TMEM131L: variants seen among roughly 807,000 people sequenced by gnomAD.
TMEM131L encodes the protein transmembrane protein 131-like.
In TMEM131L, 54 loss-of-function variants were observed where a neutral mutation model predicts 192.2. The observed-to-expected ratio is 0.28, with a 90% confidence interval of 0.23 to 0.35. TMEM131L has a LOEUF of 0.35. TMEM131L is among the 10% of genes least tolerant of loss of function. TMEM131L has a pLI of 1.00. For missense variants in TMEM131L, 1,888 were observed against 1,972.9 expected (o/e 0.96, Z 0.82); for synonymous variants, 701 against 704.9 (o/e 0.99, Z 0.09).
chr4:153,565,549 C>T (rs1158541645), intron 7 of TMEM131L, among the ~76,000 whole-genome samples: 2 of 152,182 alleles, frequency 1.3e-5, no homozygotes, highest in African/African-American at 4.8e-5. Context: ...TTGGCAGTGC[C>T]AGCTCAGTAT....
chr4:153,526,602 G>A (rs1735507076), intron 3 of TMEM131L, among the ~76,000 whole-genome samples: 1 of 152,110 alleles, frequency 6.6e-6, no homozygotes, highest in Admixed American at 6.5e-5. Context: ...GCCGGGCGTG[G>A]TGGCGGGCAC....
At chr4:153,483,972 G>A (rs1732129419) in intron 3 of TMEM131L, among the ~76,000 whole-genome samples, 1 of 152,002 alleles carries the variant, frequency 6.6e-6, no homozygotes, top group African/African-American at 2.4e-5. Context: ...ATTCTGTGAG[G>A]GTGTTCTGGA....
chr4:153,538,425 C>G (rs1475665576), intron 3 of TMEM131L, among the ~76,000 whole-genome samples: 1 of 152,160 alleles, frequency 6.6e-6, no homozygotes, highest in Non-Finnish European at 1.5e-5. Flanking sequence ...CCCTAGGCCC[C>G]CACCAGAACC....
chr4:153,534,635 A>G (rs944134592), intron 3 of TMEM131L, among the ~76,000 whole-genome samples: 1 of 151,968 alleles, frequency 6.6e-6, no homozygotes. Context: ...GGATTTCACC[A>G]TGTTAGCCAG....
chr4:153,550,561 C>A (rs540991174), intron 4 of TMEM131L, among the ~76,000 whole-genome samples: 1 of 152,086 alleles, frequency 6.6e-6, no homozygotes, highest in Non-Finnish European at 1.5e-5. Flanking sequence ...CTCCTGACTT[C>A]GTGATCCGCC....
At chr4:153,633,635 G>T (rs1408768229) in intron 32 of TMEM131L, among the ~76,000 whole-genome samples, 2 of 152,110 alleles carry the variant, frequency 1.3e-5, no homozygotes, top group Admixed American at 6.6e-5. Flanking sequence ...TTCTATTAGG[G>T]AGTCTTAAGA....
In TMEM131L at chr4:153,634,273, T is replaced by C; in HGVS notation, c.4410T>C (p.Phe1470=). Residue 1470 remains phenylalanine, a synonymous_variant, in exon 33 of 35, where the codon TTT becomes TTC. Coordinates refer to ENST00000409959, the MANE Select transcript of TMEM131L (RefSeq NM_001131007.2). The part of the protein sequence containing the change: ...CPLELNDYNA[F]PEENMNYANG... ...TGGAATTGAACGATTACAATGCCTT[T>C]CCAGAAGGTAAGGGCTCTTCAGACA... 1 of 1,612,606 alleles carries C rather than the reference T, an allele frequency of 6.2e-7. No homozygotes were observed. The highest frequency in any genetic ancestry group is 8.5e-7 in the Non-Finnish European group (1 of 1,178,764).
In TMEM131L at chr4:153,624,934, G is replaced by A. The variant is rs555399670; in HGVS notation, c.4046-1213G>A. On this transcript the variant is annotated intron_variant, in intron 29 of 34. Coordinates refer to ENST00000409959, the MANE Select transcript of TMEM131L (RefSeq NM_001131007.2). The stretch of plus-strand genomic sequence containing the variant: ...ATGAAAACCTAGAGGAAGTGCCCAC[G>A]TGTACGCGATTCCACTCAGCAGTTC... 7.2e-5 allele frequency among the ~76,000 whole-genome samples: 11 copies of A among 152,338 alleles called. No individual in the cohort carries two copies. In the South Asian group the frequency reaches 1.9e-3, roughly 26 times the overall value.
chr4:153,607,465 C>T (rs11099890), intron 25 of TMEM131L, among the ~76,000 whole-genome samples: 82,976 of 151,986 alleles, frequency 0.55, 22,838 homozygotes, highest in Non-Finnish European at 0.57. Context: ...GTGCCAGTCA[C>T]GTTGTCTCCT....
chr4:153,590,054 CTA>C (rs1344901228), intron 16 of TMEM131L, among the ~76,000 whole-genome samples: 1 of 152,172 alleles, frequency 6.6e-6, no homozygotes, highest in Non-Finnish European at 1.5e-5. Flanking sequence ...AATATACAGT[CTA>C]TGTTAAAATT....
chr4:153,541,578 C>G (rs548617200), intron 3 of TMEM131L, among the ~76,000 whole-genome samples: 4 of 152,266 alleles, frequency 2.6e-5, no homozygotes, highest in Admixed American at 2.6e-4. Flanking sequence ...GGGCCATCCA[C>G]GGGATGAGGC....
chr4:153,570,677 A>G (rs567027420), intron 7 of TMEM131L, among the ~76,000 whole-genome samples: 3 of 152,300 alleles, frequency 2.0e-5, no homozygotes, highest in African/African-American at 7.2e-5. Context: ...AAGCTGTGTT[A>G]GGAGCAGAGC....
rs10213086 is a variant in TMEM131L at position 153,595,411 on chromosome 4, G to A, written c.1996-847G>A. ...TATTCATATTACCTGCGTAAAGCAGGGTTTCTTCCTTCATGGAGTTTATAA... is the reference window on the plus strand; with the variant it reads ...TATTCATATTACCTGCGTAAAGCAGAGTTTCTTCCTTCATGGAGTTTATAA... On this transcript the variant is annotated intron_variant, in intron 19 of 34. Transcript: ENST00000409959. Among the ~76,000 whole-genome samples the A allele has an allele frequency of 8.5e-3, 1,294 of 151,978 alleles. 14 individuals carry two copies. Among genetic ancestry groups the A allele is most frequent in the African/African-American group, 0.029 (1,204 of 41,464 alleles).
At chr4:153,487,693 C>CGT (rs140651689) in intron 3 of TMEM131L, among the ~76,000 whole-genome samples, 6,375 of 141,986 alleles carry the variant, frequency 0.045, 258 homozygotes, top group East Asian at 0.12. Flanking sequence ...GCTGCACAGG[C>CGT]GTGTGTGTGT....
chr4:153,604,886 G>A (rs1299181952), intron 25 of TMEM131L, among the ~76,000 whole-genome samples: 1 of 152,054 alleles, frequency 6.6e-6, no homozygotes, highest in Non-Finnish European at 1.5e-5. Flanking sequence ...TGTAATTTTA[G>A]TAGAGACGAA....
At chr4:153,466,608 C>A in intron 1 of TMEM131L, 87 bp downstream of exon 1, 3 of 1,176,574 alleles carry the variant, frequency 2.5e-6, no homozygotes, top group Non-Finnish European at 3.2e-6. Context: ...TATAAGAGGG[C>A]GAGGGGAGGA....
chr4:153,566,686 T>G (rs1729229065), intron 7 of TMEM131L, among the ~76,000 whole-genome samples: 1 of 152,190 alleles, frequency 6.6e-6, no homozygotes, highest in Admixed American at 6.5e-5. Context: ...AAATAAACCT[T>G]AAGACCACAG....
intron 31 of TMEM131L, among the ~76,000 whole-genome samples, chr4:153,627,943 G>A (rs1218413971): frequency 6.6e-6 from 1 of 152,164 alleles, no homozygotes; most frequent in Non-Finnish European, 1.5e-5. Context: ...CCTATGTCCT[G>A]GAATAATCCC....
Position 153,550,086 on chromosome 4 carries a change from C to A in TMEM131L, c.253C>A (p.Leu85Ile). Residue 85 changes from leucine to isoleucine, a missense_variant, in exon 4 of 35, where the codon CTA (leucine) becomes ATA (isoleucine). Physicochemically the swap from Leu to Ile is conservative, Grantham distance 5. Transcript: ENST00000409959. ...TTCTTTTTTTAGCTTCTCGGACAAA[C>A]TATTTAGTGGAAAAGGCTTACATTT... ...PSQEQSFSDK[L>I]FSGKGLHFQP... The A allele has an allele frequency of 6.7e-7, 1 of 1,486,402 alleles. No homozygotes were observed. Among genetic ancestry groups the A allele is most frequent in the Non-Finnish European group, 9.0e-7 (1 of 1,108,222 alleles). The allele number at this position is 1,486,402 out of a possible 1,614,324, so 92.1% of individuals were successfully genotyped here. A position where few individuals can be genotyped will look rare whatever the true frequency, so the allele number is the denominator to read the frequency against.
Sources: allele counts gnomAD v4.1 joint callset (sites outside exome capture counted in the v4.1 genomes callset), GRCh38; gene constraint gnomAD v4.1.1; transcripts MANE v1.5; gene names NCBI Gene and HGNC (gene_info 2026-07-23, HGNC 2026-07-21).